Variants in POMP observed in about 807,000 individuals in gnomAD.
The protein encoded by POMP is 2510048O06Rik.
In POMP, 12 loss-of-function variants were observed where a neutral mutation model predicts 20.6. The observed-to-expected ratio is 0.58, with a 90% CI of 0.37 to 0.94. The LOEUF is 0.94. Among genes scored for constraint, POMP ranks in the 40% least tolerant of loss-of-function variants. The probability of loss-of-function intolerance (pLI) is 0.01; values close to 1 mark genes in which losing one functional copy is unlikely to be tolerated. For missense variants in POMP, 136 were observed against 161.1 expected (o/e 0.84, Z 0.84); for synonymous variants, 53 against 55.0 (o/e 0.96, Z 0.16).
intron 3 of POMP, among the ~76,000 whole-genome samples, chr13:28,665,599 A>C (rs905700020): frequency 6.6e-6 from 1 of 152,230 alleles, no homozygotes; most frequent in African/African-American, 2.4e-5. Context: ...TTTTGTATAA[A>C]GGATCTAACT....
intron 5 of POMP, 99 bp from the exon 6 acceptor site, chr13:28,677,935 AG>A (rs1441404521): frequency 8.2e-7 from 1 of 1,220,532 alleles, no homozygotes. Flanking sequence ...CTATAACTTT[AG>A]GTTAGTTTTG....
At chr13:28,675,232 C>G (rs909411466) in intron 5 of POMP, among the ~76,000 whole-genome samples, 7 of 151,792 alleles carry the variant, frequency 4.6e-5, no homozygotes, top group Non-Finnish European at 7.4e-5. Flanking sequence ...CCTCCACCTC[C>G]TGGGTTCAAG....
intron 5 of POMP, 44 bp from the exon 6 acceptor site, chr13:28,677,991 T>C: frequency 1.3e-6 from 2 of 1,577,250 alleles, no homozygotes; most frequent in Non-Finnish European, 1.7e-6. Context: ...AATGTATCTC[T>C]TTTTTGAGAG....
intron 5 of POMP, among the ~76,000 whole-genome samples, chr13:28,674,283 A>G (rs889473948): frequency 5.3e-5 from 8 of 152,180 alleles, no homozygotes; most frequent in Non-Finnish European, 1.0e-4. Context: ...CCTTAGCCCC[A>G]CTTCCTATGG....
intron 1 of POMP, among the ~76,000 whole-genome samples, chr13:28,662,070 T>G (rs1362796324): frequency 6.6e-6 from 1 of 152,244 alleles, no homozygotes; most frequent in Non-Finnish European, 1.5e-5. Context: ...TCTGCCTCAC[T>G]GGAAACATAT....
rs548663203 is a variant in POMP at position 28,678,338 on chromosome 13, T to TA, written c.*242dup. 108 of 482,144 alleles carry TA rather than the reference T, an allele frequency of 2.2e-4. 1 individual carries two copies. In the South Asian group the frequency reaches 2.6e-3, roughly 11 times the overall value. The allele number at this position is 482,144 out of a possible 1,614,324, so 29.9% of individuals were successfully genotyped here. ...ATATTAAAACAGTAGCCTTTGTCTT[T>TA]AAAAAAGTTGTTGCTCATGAATATT... On this transcript the variant is annotated 3_prime_UTR_variant, in exon 6 of 6. Transcript: ENST00000380842.
chr13:28,667,136 G>C (rs1884463231), intron 3 of POMP, among the ~76,000 whole-genome samples: 3 of 152,164 alleles, frequency 2.0e-5, no homozygotes. Flanking sequence ...GCACACGGTT[G>C]CTAACTTACA....
intron 1 of POMP, among the ~76,000 whole-genome samples, chr13:28,660,277 G>A (rs1473166234): frequency 6.6e-6 from 1 of 152,216 alleles, no homozygotes; most frequent in Non-Finnish European, 1.5e-5. Context: ...TTATGATGGT[G>A]TGAAATCCAT....
In POMP at chr13:28,672,309, A is replaced by G. The variant is rs530829412; in HGVS notation, c.265-30A>G. On this transcript the variant is annotated intron_variant, in intron 4 of 5. Coordinates refer to ENST00000380842, the MANE Select transcript of POMP (RefSeq NM_015932.6). ...TGTCATTTTCCCCTGAGTTTTTTCT[A>G]ATCTTGTCCCTTCATACTTTTCCCC... 26 of 1,489,232 alleles carry G rather than the reference A, an allele frequency of 1.7e-5. No homozygotes were observed. The African/African-American group carries it at 2.9e-4, about 17-fold the overall frequency. The allele number at this position is 1,489,232 out of a possible 1,614,324, so 92.3% of individuals were successfully genotyped here. A position where few individuals can be genotyped will look rare whatever the true frequency, so the allele number is the denominator to read the frequency against.
chr13:28,671,195 A>G (rs1884539648), intron 4 of POMP, among the ~76,000 whole-genome samples: 2 of 152,198 alleles, frequency 1.3e-5, no homozygotes, highest in Non-Finnish European at 1.5e-5. Context: ...TTAGCCATCT[A>G]CTAGTCTTAA....
At chr13:28,661,374 G>A (rs1792101) in intron 1 of POMP, among the ~76,000 whole-genome samples, 3,864 of 152,262 alleles carry the variant, frequency 0.025, 178 homozygotes, top group African/African-American at 0.088. Flanking sequence ...GCTGAGGCAG[G>A]AGGATCGCTT....
At chr13:28,663,918 G>A (rs1884393505) in intron 2 of POMP, among the ~76,000 whole-genome samples, 1 of 152,036 alleles carries the variant, frequency 6.6e-6, no homozygotes, top group Admixed American at 6.6e-5. Flanking sequence ...ATTGTTGCAG[G>A]GTTTCTAAGG....
At chr13:28,672,926 T>G (rs749572120) in intron 5 of POMP, among the ~76,000 whole-genome samples, 29 of 152,230 alleles carry the variant, frequency 1.9e-4, no homozygotes, top group Non-Finnish European at 2.5e-4. Flanking sequence ...GTGACTGGTG[T>G]TGTTTTTGTG....
chr13:28,678,246 G>T lies in POMP; in HGVS notation c.*144G>T. 1 of 805,224 alleles carries T rather than the reference G, an allele frequency of 1.2e-6. No individual in the cohort carries two copies. The allele number at this position is 805,224 out of a possible 1,614,324, so 49.9% of individuals were successfully genotyped here. A position where few individuals can be genotyped will look rare whatever the true frequency, so the allele number is the denominator to read the frequency against. On this transcript the variant is annotated 3_prime_UTR_variant, in exon 6 of 6. Coordinates refer to ENST00000380842, the MANE Select transcript of POMP (RefSeq NM_015932.6). ...CAGTGATCATTTAAAATTTGGAGGG[G>T]TCTTTGGTTTACAGCCATGTGACAA...
intron 3 of POMP, among the ~76,000 whole-genome samples, chr13:28,667,225 A>AT (rs1566108101): frequency 6.6e-6 from 1 of 152,172 alleles, no homozygotes; most frequent in African/African-American, 2.4e-5. Flanking sequence ...TTGAGTTATT[A>AT]TACATAAAAT....
chr13:28,662,390 G>A lies in POMP; in HGVS notation c.4-20G>A, dbSNP rs775697767. 2 of 1,577,198 alleles carry A rather than the reference G, an allele frequency of 1.3e-6. No individual in the cohort carries two copies. Among genetic ancestry groups the A allele is most frequent in the East Asian group, 2.2e-5 (1 of 44,648 alleles). ...TTAAATTTTTTTTCTATTTAATAAT[G>A]TTTTTTATTTGTGTTGTAGAATGCC... On this transcript the variant is annotated intron_variant, in intron 1 of 5. Coordinates refer to ENST00000380842, the MANE Select transcript of POMP (RefSeq NM_015932.6).
intron 5 of POMP, among the ~76,000 whole-genome samples, chr13:28,674,689 A>C (rs1226649500): frequency 6.6e-6 from 1 of 152,186 alleles, no homozygotes; most frequent in Non-Finnish European, 1.5e-5. Flanking sequence ...ATGCAAAAAA[A>C]GGCCATTGAG....
intron 3 of POMP, among the ~76,000 whole-genome samples, chr13:28,667,633 G>A (rs1049437756): frequency 1.3e-5 from 2 of 152,094 alleles, no homozygotes; most frequent in Non-Finnish European, 1.5e-5. Context: ...TGTTCAAAAT[G>A]ACCTTTTTGA....
At chr13:28,666,637 C>A (rs908195013) in intron 3 of POMP, among the ~76,000 whole-genome samples, 3 of 152,246 alleles carry the variant, frequency 2.0e-5, no homozygotes, top group Non-Finnish European at 4.4e-5. Flanking sequence ...GGGCACCCCA[C>A]TTTGCTAAGT....
Sources: gnomAD v4.1 joint callset for allele counts (sites outside exome capture counted in the v4.1 genomes callset) on GRCh38, gnomAD v4.1.1 for gene constraint, MANE v1.5 for transcripts, NCBI Gene and HGNC (gene_info 2026-07-23, HGNC 2026-07-21) for gene names.